DPYD: variants seen among roughly 807,000 people sequenced by gnomAD.
DPYD encodes the protein dihydropyrimidine dehydrogenase.
A neutral mutation model predicts 116.2 loss-of-function variants in DPYD; 109 were observed. The ratio of observed to expected loss-of-function variants is 0.94; its 90% CI spans 0.80 to 1.10. The LOEUF (loss-of-function observed/expected upper bound fraction) is 1.10, where lower values mean the gene tolerates loss of function less well. Among genes scored for constraint, DPYD ranks in the 50% least tolerant of loss-of-function variants. DPYD has a pLI of 0.00. For synonymous variants in DPYD, 440 were observed against 432.0 expected, an observed-to-expected ratio of 1.02 and a Z score of -0.23; for missense variants, 1,302 against 1,254.5, an observed-to-expected ratio of 1.04 and a Z score of -0.57.
At chr1:97,703,009 TTG>T (rs941801398) in intron 5 of DPYD, among the ~76,000 whole-genome samples, 1 of 151,940 alleles carries the variant, frequency 6.6e-6, no homozygotes, top group Non-Finnish European at 1.5e-5. Flanking sequence ...AGAATGTAAA[TTG>T]TTAGCCCGAT....
At chr1:97,416,813 A>C (rs1423260173) in intron 14 of DPYD, among the ~76,000 whole-genome samples, 1 of 152,202 alleles carries the variant, frequency 6.6e-6, no homozygotes, top group Non-Finnish European at 1.5e-5. Flanking sequence ...CTTAACCCAG[A>C]GGTGCTCATC....
intron 20 of DPYD, among the ~76,000 whole-genome samples, chr1:97,163,560 C>G (rs1198474235): frequency 2.0e-5 from 3 of 152,064 alleles, no homozygotes; most frequent in African/African-American, 7.2e-5. Context: ...CTGTGAAGTC[C>G]AAGATCAAAG....
chr1:97,903,118 T>C (rs1673443133), intron 1 of DPYD, among the ~76,000 whole-genome samples: 1 of 151,904 alleles, frequency 6.6e-6, no homozygotes, highest in Non-Finnish European at 1.5e-5. Flanking sequence ...GTGTGGGTTG[T>C]GAGCAACATT....
At chr1:97,402,180 G>A (rs543602071) in intron 14 of DPYD, among the ~76,000 whole-genome samples, 2 of 152,142 alleles carry the variant, frequency 1.3e-5, no homozygotes, top group African/African-American at 2.4e-5. Context: ...GATTTCTACT[G>A]TGATTACATT....
chr1:97,234,223 T>C (rs879570387), intron 19 of DPYD, among the ~76,000 whole-genome samples: 5 of 152,144 alleles, frequency 3.3e-5, no homozygotes, highest in Middle Eastern at 3.2e-3. Flanking sequence ...TAAGCCCATG[T>C]TGAGCAACAT....
chr1:97,577,025 T>A (rs142799859), intron 10 of DPYD, among the ~76,000 whole-genome samples: 40 of 152,332 alleles, frequency 2.6e-4, no homozygotes, highest in African/African-American at 8.7e-4. Flanking sequence ...GTATTAATAT[T>A]GGGAGAGTGA....
chr1:97,172,517 AT>A (rs1346399685), intron 20 of DPYD, among the ~76,000 whole-genome samples: 1 of 152,226 alleles, frequency 6.6e-6, no homozygotes, highest in Non-Finnish European at 1.5e-5. Context: ...ATTCACTTAG[AT>A]ATCTCTGCCT....
chr1:97,737,092 C>T (rs1225204700), intron 4 of DPYD, among the ~76,000 whole-genome samples: 1 of 152,078 alleles, frequency 6.6e-6, no homozygotes, highest in African/African-American at 2.4e-5. Context: ...ATATAGTTGT[C>T]TATTACGGAC....
chr1:97,091,272 G>A (rs1649881363), intron 21 of DPYD, among the ~76,000 whole-genome samples: 1 of 152,158 alleles, frequency 6.6e-6, no homozygotes, highest in African/African-American at 2.4e-5. Context: ...GAGGCCAGCA[G>A]AGAGGAGGGA....
chr1:97,659,817 G>T (rs1659151081), intron 8 of DPYD, among the ~76,000 whole-genome samples: 1 of 151,846 alleles, frequency 6.6e-6, no homozygotes, highest in Non-Finnish European at 1.5e-5. Context: ...GCTTTCTTTT[G>T]TTTCTTCACA....
At chr1:97,775,957 C>G (rs528817043) in intron 3 of DPYD, among the ~76,000 whole-genome samples, 1 of 151,856 alleles carries the variant, frequency 6.6e-6, no homozygotes, top group Admixed American at 6.6e-5. Context: ...TTCATTTTTA[C>G]TTACGGTGGG....
At chr1:97,843,791 A>T (rs1670154870) in intron 2 of DPYD, among the ~76,000 whole-genome samples, 1 of 152,200 alleles carries the variant, frequency 6.6e-6, no homozygotes, top group South Asian at 2.1e-4. Context: ...GTTTATTCTA[A>T]ATATTTATTC....
intron 16 of DPYD, among the ~76,000 whole-genome samples, chr1:97,332,322 C>T (rs976075067): frequency 1.3e-5 from 2 of 152,264 alleles, no homozygotes; most frequent in East Asian, 1.9e-4. Flanking sequence ...TAAAAATGTA[C>T]ATGTATAAAA....
At chr1:97,437,592 C>T (rs937354680) in intron 14 of DPYD, among the ~76,000 whole-genome samples, 1 of 151,712 alleles carries the variant, frequency 6.6e-6, no homozygotes, top group Non-Finnish European at 1.5e-5. Flanking sequence ...ATATCTGGGT[C>T]ATATGATGGG....
chr1:97,918,052 G>T (rs556254166), intron 1 of DPYD, among the ~76,000 whole-genome samples: 4 of 152,034 alleles, frequency 2.6e-5, no homozygotes, highest in African/African-American at 7.2e-5. Flanking sequence ...TAAAGTCATC[G>T]TTGACAAAAT....
chr1:97,911,557 C>T (rs72981731), intron 1 of DPYD, among the ~76,000 whole-genome samples: 2,836 of 151,918 alleles, frequency 0.019, 93 homozygotes, highest in African/African-American at 0.065. Flanking sequence ...GTTACACTCA[C>T]GGACCCTTTC....
At chr1:97,352,953 A>C (rs1020084209) in intron 16 of DPYD, among the ~76,000 whole-genome samples, 1 of 152,182 alleles carries the variant, frequency 6.6e-6, no homozygotes, top group Admixed American at 6.5e-5. Context: ...CTCAGAACAC[A>C]CAAGATCAAG....
intron 18 of DPYD, among the ~76,000 whole-genome samples, chr1:97,237,084 T>C (rs1157006011): frequency 2.6e-5 from 4 of 151,468 alleles, no homozygotes; most frequent in Non-Finnish European, 2.9e-5. Context: ...TACAAACAAA[T>C]ACAAAAATTA....
intron 12 of DPYD, among the ~76,000 whole-genome samples, chr1:97,532,420 C>T (rs1049731456): frequency 3.3e-5 from 5 of 152,182 alleles, no homozygotes; most frequent in African/African-American, 1.2e-4. Flanking sequence ...AGTATTTACT[C>T]TTCTACTTTT....
Sources: allele counts gnomAD v4.1 joint callset (sites outside exome capture counted in the v4.1 genomes callset), GRCh38; gene constraint gnomAD v4.1.1; transcripts MANE v1.5; gene names NCBI Gene and HGNC (gene_info 2026-07-23, HGNC 2026-07-21).